The following TNRC18 variants were observed in gnomAD, a reference collection of about 807,000 sequenced individuals.
The protein encoded by TNRC18 is trinucleotide repeat-containing gene 18 protein.
In TNRC18, 69 loss-of-function variants were observed where a neutral mutation model predicts 226.7. That is an observed-to-expected ratio of 0.30 (90% CI 0.25 to 0.37). The LOEUF is 0.37. Among genes scored for constraint, TNRC18 ranks in the 10% least tolerant of loss-of-function variants. The pLI is 1.00. For synonymous variants in TNRC18, 2,449 were observed against 1,927.6 expected (o/e 1.27, Z -7.09); for missense variants, 4,754 against 4,256.6 (o/e 1.12, Z -3.25).
chr7:5,359,849 CTG>C (rs1231952257), intron 14 of TNRC18, among the ~76,000 whole-genome samples: 3 of 152,152 alleles, frequency 2.0e-5, no homozygotes, highest in Non-Finnish European at 2.9e-5. Flanking sequence ...ACACACATCT[CTG>C]TGCGGTCAGA....
chr7:5,329,793 C>G, intron 19 of TNRC18: 2 of 390,412 alleles, frequency 5.1e-6, no homozygotes. Flanking sequence ...AGCTTCAGTT[C>G]TGGCTCCTTA....
intron 5 of TNRC18, among the ~76,000 whole-genome samples, chr7:5,378,457 C>T (rs1779166086): frequency 1.3e-5 from 2 of 148,966 alleles, no homozygotes; most frequent in African/African-American, 2.5e-5. Context: ...CTCGCTCTGT[C>T]GCCCAGGCTG....
At chr7:5,323,545 C>T (rs1034592690) in intron 21 of TNRC18, among the ~76,000 whole-genome samples, 1 of 149,612 alleles carries the variant, frequency 6.7e-6, no homozygotes. Flanking sequence ...GGCCCCCACT[C>T]GTTCTCTGTG....
In TNRC18 at chr7:5,377,535, G is replaced by A; in HGVS notation, c.2297C>T (p.Thr766Ile). 2 of 1,591,614 alleles carry A rather than the reference G, an allele frequency of 1.3e-6. No individual in the cohort carries two copies. Among genetic ancestry groups the A allele is most frequent in the South Asian group, 1.1e-5 (1 of 87,528 alleles). ...ELADLARLHP[T>I]SCAPNGLNPN... ...GTTCAGGCCGTTAGGAGCACAGCTG[G>A]TAGGGTGCAGGCGGGCCAGGTCAGC... Residue 766 changes from threonine (T) to isoleucine (I), a missense_variant, in exon 7 of 30, where the codon ACC becomes ATC. Thr to Ile is a moderately conservative substitution (Grantham distance 89). Transcript: ENST00000430969. This position sits in a 1 kb window ranked among gnomAD's most constrained non-coding sequence, Gnocchi z 5.8.
intron 19 of TNRC18, among the ~76,000 whole-genome samples, chr7:5,328,914 T>C (rs998372369): frequency 6.6e-6 from 1 of 152,062 alleles, no homozygotes; most frequent in Non-Finnish European, 1.5e-5. Context: ...TGCTCGAACT[T>C]GGAAATTTGA....
intron 26 of TNRC18, among the ~76,000 whole-genome samples, 169 bp from the exon 27 acceptor site, chr7:5,314,032 A>T (rs1007274015): frequency 1.1e-4 from 17 of 151,722 alleles, no homozygotes; most frequent in Admixed American, 5.9e-4. Context: ...ATCAGGGCTC[A>T]TTGCAGCCCT....
At chr7:5,323,840 T>TCTCC (rs1788626618) in intron 21 of TNRC18, among the ~76,000 whole-genome samples, 19 of 152,122 alleles carry the variant, frequency 1.2e-4, no homozygotes. Flanking sequence ...AGTGCTGGGA[T>TCTCC]TACAGGCATG....
chr7:5,380,427 C>A (rs1351271886), intron 5 of TNRC18, among the ~76,000 whole-genome samples: 2 of 152,206 alleles, frequency 1.3e-5, no homozygotes, highest in African/African-American at 2.4e-5. Flanking sequence ...GCCTAGGCCA[C>A]AGAGCATCTC....
intron 5 of TNRC18, 70 bp downstream of exon 5, chr7:5,387,602 A>C: frequency 6.4e-7 from 1 of 1,573,006 alleles, no homozygotes; most frequent in South Asian, 1.1e-5. Flanking sequence ...AAGGGCCCAC[A>C]CTGTAATGTA....
intron 2 of TNRC18, among the ~76,000 whole-genome samples, chr7:5,415,527 G>C (rs1782127969): frequency 6.6e-6 from 1 of 151,328 alleles, no homozygotes; most frequent in African/African-American, 2.4e-5. Context: ...ACAGGCACCC[G>C]CCACCACACC....
At chr7:5,334,691 G>A (rs13243581) in intron 18 of TNRC18, among the ~76,000 whole-genome samples, 1,831 of 152,240 alleles carry the variant, frequency 0.012, 14 homozygotes, top group South Asian at 0.02. Context: ...GCTCTGCTCT[G>A]GGTATGACAG....
intron 2 of TNRC18, among the ~76,000 whole-genome samples, chr7:5,402,178 CAAAAAAAAA>C (rs35794476): frequency 5.6e-4 from 40 of 71,330 alleles, no homozygotes; most frequent in African/African-American, 2.2e-3. Context: ...GACTCTGTCT[CAAAAAAAAA>C]AAAAAAAAAA....
intron 19 of TNRC18, among the ~76,000 whole-genome samples, chr7:5,328,965 G>A (rs1289850371): frequency 6.6e-6 from 1 of 152,102 alleles, no homozygotes; most frequent in Admixed American, 6.6e-5. Context: ...TCCAGACTGG[G>A]AAACAGAGCA....
At chr7:5,360,112 C>G (rs1424109223) in intron 14 of TNRC18, among the ~76,000 whole-genome samples, 1 of 152,212 alleles carries the variant, frequency 6.6e-6, no homozygotes, top group African/African-American at 2.4e-5. Flanking sequence ...GTGATCGAAA[C>G]AGCCGATCTG....
rs781739612 is a variant in TNRC18, at chr7:5,312,672, T to C, written c.8219A>G (p.Lys2740Arg). Residue 2740 changes from lysine to arginine, a missense_variant, in exon 27 of 30, where the codon AAG becomes AGG. Coordinates refer to ENST00000430969, the MANE Select transcript of TNRC18 (RefSeq NM_001080495.3). This position sits in a 1 kb window ranked among gnomAD's most constrained non-coding sequence, Gnocchi z 6.3. ...TCGGCTCTTGGCCCCGGCCTGAGCC[T>C]TGGGCTGCAGAGGCTGTGTGGGCTG... ...PPQPTQPLQP[K>R]AQAGAKSRPK... The C allele has an allele frequency of 7.5e-6, 12 of 1,605,018 alleles. No individual in the cohort carries two copies. Among genetic ancestry groups the C allele is most frequent in the Non-Finnish European group, 7.6e-6 (9 of 1,176,730 alleles).
At chr7:5,410,700 T>C (rs1363706878) in intron 2 of TNRC18, among the ~76,000 whole-genome samples, 4 of 148,344 alleles carry the variant, frequency 2.7e-5, no homozygotes, top group Non-Finnish European at 6.0e-5. Context: ...ACCCCATCTC[T>C]ACTAAAAATA....
chr7:5,375,032 C>T (rs750847072), intron 9 of TNRC18, among the ~76,000 whole-genome samples: 40 of 152,138 alleles, frequency 2.6e-4, no homozygotes, highest in Non-Finnish European at 3.5e-4. Flanking sequence ...CACTAGGGGC[C>T]GGGCACAGTG....
rs969325262 is a variant in TNRC18, at chr7:5,376,175, G to A, written c.2658C>T (p.Tyr886=). 6.4e-7 allele frequency: 1 copy of A among 1,570,238 alleles called. No individual in the cohort carries two copies. The highest frequency in any genetic ancestry group is 8.6e-7 in the Non-Finnish European group (1 of 1,159,364). ...ATVPPLWPAL[Y]PPGRSPLHHA... ...GGTGCAGGGGGCTGCGGCCCGGCGG[G>A]TACAGGGCGGGCCAGAGGGGCGGTA... is the stretch of plus-strand genomic sequence containing the variant. The change falls in exon 9 of 30, where the codon TAC becomes TAT. Residue 886 remains tyrosine (Y), a synonymous_variant. Transcript: ENST00000430969.
Position 5,325,255 on chromosome 7 carries a change from G to C in TNRC18, c.6148-7C>G, listed in dbSNP as rs755061991. 1.3e-6 allele frequency: 2 copies of C among 1,550,052 alleles called. No individual in the cohort carries two copies. The highest frequency in any genetic ancestry group is 1.7e-6 in the Non-Finnish European group (2 of 1,153,780). The stretch of plus-strand genomic sequence containing the variant: ...CCTCTTTCCCTTTCTTCTTCTGGAG[G>C]AGGAAGCAGCAGAGAGGAGCCATCA... On this transcript the variant is annotated splice_polypyrimidine_tract_variant and splice_region_variant and intron_variant, in intron 19 of 29. Coordinates refer to ENST00000430969, the MANE Select transcript of TNRC18 (RefSeq NM_001080495.3).
Sources: allele counts gnomAD v4.1 joint callset (sites outside exome capture counted in the v4.1 genomes callset), GRCh38; gene constraint gnomAD v4.1.1; non-coding constraint Gnocchi (gnomAD v3.1); transcripts MANE v1.5; gene names NCBI Gene and HGNC (gene_info 2026-07-23, HGNC 2026-07-21).